CPNE8: variants seen among roughly 807,000 people sequenced by gnomAD.
CPNE8 encodes the protein copine-8.
CPNE8 carries 45 observed loss-of-function variants against 81.5 expected under a neutral mutation model. That is an observed-to-expected ratio of 0.55 (90% CI 0.44 to 0.71). The LOEUF is 0.71. CPNE8 is among the 30% of genes least tolerant of loss of function. The pLI is 0.00. For missense variants in CPNE8, 594 were observed against 672.1 expected, an observed-to-expected ratio of 0.88 and a Z score of 1.28; for synonymous variants, 252 against 226.3, an observed-to-expected ratio of 1.11 and a Z score of -1.02.
chr12:38,664,786 A>G (rs1476592206), intron 19 of CPNE8, among the ~76,000 whole-genome samples: 1 of 152,194 alleles, frequency 6.6e-6, no homozygotes, highest in Non-Finnish European at 1.5e-5. Flanking sequence ...ATTTCAACCT[A>G]GGATGGGAGT....
At chr12:38,772,463 C>T (rs1308146906) in intron 7 of CPNE8, among the ~76,000 whole-genome samples, 3 of 151,966 alleles carry the variant, frequency 2.0e-5, no homozygotes, top group Non-Finnish European at 2.9e-5. Flanking sequence ...GGGCTAAGAA[C>T]CTGAATAAGC....
chr12:38,831,572 T>A (rs926920024), intron 5 of CPNE8, among the ~76,000 whole-genome samples: 1 of 152,232 alleles, frequency 6.6e-6, no homozygotes, highest in Non-Finnish European at 1.5e-5. Context: ...GGCATGGCCA[T>A]ACCTTCATTA....
chr12:38,842,802 T>C (rs1237052075), intron 4 of CPNE8, among the ~76,000 whole-genome samples: 4 of 152,070 alleles, frequency 2.6e-5, no homozygotes, highest in African/African-American at 9.7e-5. Context: ...GGTCTCGAAC[T>C]ACTAACCTCA....
intron 3 of CPNE8, among the ~76,000 whole-genome samples, chr12:38,852,361 G>A (rs1943659559): frequency 6.6e-6 from 1 of 150,752 alleles, no homozygotes; most frequent in African/African-American, 2.4e-5. Flanking sequence ...CCTGGGAAGT[G>A]GAGCTTGCAG....
chr12:38,654,961 A>C (rs1938785815), intron 19 of CPNE8, among the ~76,000 whole-genome samples: 1 of 152,206 alleles, frequency 6.6e-6, no homozygotes, highest in African/African-American at 2.4e-5. Flanking sequence ...GCTCATATTA[A>C]TAGGAAGCTG....
At chr12:38,796,486 A>C (rs1448650688) in intron 6 of CPNE8, among the ~76,000 whole-genome samples, 3 of 152,228 alleles carry the variant, frequency 2.0e-5, no homozygotes, top group Non-Finnish European at 4.4e-5. Flanking sequence ...AAATAGAAGA[A>C]AAAGTCATAC....
At chr12:38,856,963 G>T (rs1488408702) in intron 3 of CPNE8, among the ~76,000 whole-genome samples, 2 of 146,362 alleles carry the variant, frequency 1.4e-5, no homozygotes, top group African/African-American at 5.0e-5. Context: ...GAGTATCAGG[G>T]TTTTTTTTTT....
intron 10 of CPNE8, among the ~76,000 whole-genome samples, chr12:38,753,340 G>A (rs936005925): frequency 6.6e-6 from 1 of 152,126 alleles, no homozygotes; most frequent in East Asian, 1.9e-4. Context: ...TAATCCCAGC[G>A]ACTCAGGAGG....
chr12:38,833,972 G>T lies in CPNE8; in HGVS notation c.331-4517C>A, dbSNP rs73274729. On this transcript the variant is annotated intron_variant, in intron 5 of 19. Coordinates refer to ENST00000331366, the MANE Select transcript of CPNE8 (RefSeq NM_153634.3). ...AAGTCCCTGAGACAAGTATTTGGGT[G>T]CTCAAGGAAAAGCAAGAGAGACAGC... Among the ~76,000 whole-genome samples the T allele has an allele frequency of 2.7e-3, 405 of 152,232 alleles. 2 individuals are homozygous for T. Among genetic ancestry groups the T allele is most frequent in the African/African-American group, 9.0e-3 (376 of 41,554 alleles).
chr12:38,897,006 G>C (rs866240881), intron 1 of CPNE8, among the ~76,000 whole-genome samples: 1 of 152,056 alleles, frequency 6.6e-6, no homozygotes, highest in African/African-American at 2.4e-5. Context: ...CAACAACCTT[G>C]AAATTTTGGT....
At chr12:38,658,083 G>T (rs1469150218) in intron 19 of CPNE8, among the ~76,000 whole-genome samples, 3 of 151,904 alleles carry the variant, frequency 2.0e-5, no homozygotes, top group Non-Finnish European at 2.9e-5. Context: ...TCAGAAGGTC[G>T]GTAATAATAA....
intron 11 of CPNE8, among the ~76,000 whole-genome samples, chr12:38,729,524 G>A (rs1371591050): frequency 6.6e-6 from 1 of 151,950 alleles, no homozygotes; most frequent in Non-Finnish European, 1.5e-5. Flanking sequence ...AAATTGTTTT[G>A]TGAATGAATA....
At chr12:38,724,014 C>T (rs950388073) in intron 12 of CPNE8, among the ~76,000 whole-genome samples, 181 bp from the exon 13 acceptor site, 9 of 151,948 alleles carry the variant, frequency 5.9e-5, no homozygotes, top group Non-Finnish European at 1.3e-4. Context: ...GGAAAGGGAC[C>T]AAAAAAATTA....
chr12:38,680,790 A>G (rs1939392377), intron 16 of CPNE8, among the ~76,000 whole-genome samples: 1 of 152,072 alleles, frequency 6.6e-6, no homozygotes, highest in South Asian at 2.1e-4. Context: ...TGAATAAATA[A>G]AGCATAATAC....
Position 38,904,188 on chromosome 12 carries a change from T to G in CPNE8, c.98+1249A>C, listed in dbSNP as rs919351636. On this transcript the variant is annotated intron_variant, in intron 1 of 19. Coordinates refer to ENST00000331366, the MANE Select transcript of CPNE8 (RefSeq NM_153634.3). ...TGCTAAGGAAAGGAAAGGGAGGATG[T>G]GAGGGCATAAAAACAATCTTAGGGC... 1.1e-4 allele frequency among the ~76,000 whole-genome samples: 17 copies of G among 152,270 alleles called. No individual in the cohort carries two copies. The East Asian group carries it at 2.1e-3, about 19-fold the overall frequency.
At chr12:38,836,962 C>G (rs1294765368) in intron 5 of CPNE8, among the ~76,000 whole-genome samples, 2 of 152,126 alleles carry the variant, frequency 1.3e-5, no homozygotes, top group East Asian at 3.8e-4. Flanking sequence ...TTTCGACATC[C>G]TTCACCTACT....
rs1940459790 is a variant in CPNE8, at chr12:38,718,285, T to C, written c.914+5487A>G. Among the ~76,000 whole-genome samples the C allele has an allele frequency of 2.0e-5, 3 of 152,206 alleles. 1 individual carries two copies. The highest frequency in any genetic ancestry group is 4.1e-4 in the South Asian group (2 of 4,830). On this transcript the variant is annotated intron_variant, in intron 13 of 19. Transcript: ENST00000331366. ...GGTGTGAATATTGCAGAAGTTTAGC[T>C]GACTTGTTAAAAAAGGAATATAGCT...
intron 6 of CPNE8, among the ~76,000 whole-genome samples, chr12:38,798,028 T>C (rs973751739): frequency 1.3e-5 from 2 of 152,046 alleles, no homozygotes; most frequent in Non-Finnish European, 2.9e-5. Flanking sequence ...GAAGAAAGCC[T>C]CCAAGAAATA....
intron 6 of CPNE8, among the ~76,000 whole-genome samples, chr12:38,822,937 A>C: frequency 6.6e-6 from 1 of 152,158 alleles, no homozygotes; most frequent in East Asian, 1.9e-4. Context: ...GAGCCTCAAA[A>C]TTTCCCCCAA....
Sources: gnomAD v4.1 joint callset for allele counts (sites outside exome capture counted in the v4.1 genomes callset) on GRCh38, gnomAD v4.1.1 for gene constraint, MANE v1.5 for transcripts, NCBI Gene and HGNC (gene_info 2026-07-23, HGNC 2026-07-21) for gene names.